Variants in TNRC6B observed in about 807,000 individuals in gnomAD.
The protein encoded by TNRC6B is trinucleotide repeat containing adaptor 6B.
TNRC6B carries 52 observed loss-of-function variants against 203.6 expected under a neutral mutation model. That is an observed-to-expected ratio of 0.26 (90% CI 0.20 to 0.32). TNRC6B has a LOEUF of 0.32. Among genes scored for constraint, TNRC6B ranks in the 10% least tolerant of loss-of-function variants. The pLI is 1.00. For missense variants in TNRC6B, 1,923 were observed against 2,286.2 expected, an observed-to-expected ratio of 0.84 and a Z score of 3.24; for synonymous variants, 838 against 845.7, an observed-to-expected ratio of 0.99 and a Z score of 0.16.
chr22:40,167,166 A>C (rs2068927138), intron 4 of TNRC6B, among the ~76,000 whole-genome samples: 1 of 152,196 alleles, frequency 6.6e-6, no homozygotes, highest in Non-Finnish European at 1.5e-5. Flanking sequence ...TCAACCATAC[A>C]CAGTTTTATG....
intron 3 of TNRC6B, among the ~76,000 whole-genome samples, chr22:40,142,655 A>G (rs112730114): frequency 0.012 from 1,768 of 152,348 alleles, 22 homozygotes; most frequent in Middle Eastern, 0.041. Context: ...TTCAAAGGAT[A>G]TTAAAATATG....
At chr22:40,249,049 T>C (rs1264373003) in intron 2 of TNRC6B, among the ~76,000 whole-genome samples, 1 of 152,152 alleles carries the variant, frequency 6.6e-6, no homozygotes, top group Non-Finnish European at 1.5e-5. Flanking sequence ...GTGCCAGAGA[T>C]CTATCATGTG....
upstream of TNRC6B, among the ~76,000 whole-genome samples, chr22:40,175,968 G>T (rs2071400488): frequency 6.6e-6 from 1 of 152,162 alleles, no homozygotes; most frequent in African/African-American, 2.4e-5. Flanking sequence ...GCATTCGTAG[G>T]TTCCTTTTCA....
intron 1 of TNRC6B, among the ~76,000 whole-genome samples, chr22:40,048,509 C>T (rs1452750182): frequency 6.7e-6 from 1 of 150,314 alleles, no homozygotes; most frequent in Non-Finnish European, 1.5e-5. Context: ...CCACTGCACT[C>T]CAGCCTGGGC....
chr22:40,174,869 A>G (rs1043329613), upstream of TNRC6B, among the ~76,000 whole-genome samples: 3 of 152,228 alleles, frequency 2.0e-5, no homozygotes, highest in African/African-American at 4.8e-5. Flanking sequence ...TTACCTTACA[A>G]TAATATAATT....
At chr22:40,132,813 A>G (rs1369367552) in intron 3 of TNRC6B, among the ~76,000 whole-genome samples, 8 of 147,468 alleles carry the variant, frequency 5.4e-5, no homozygotes, top group Admixed American at 3.4e-4. Context: ...GCATGGTGGC[A>G]GGCGCCTGTA....
intron 3 of TNRC6B, among the ~76,000 whole-genome samples, chr22:40,149,896 T>C (rs1056780677): frequency 6.6e-6 from 1 of 152,152 alleles, no homozygotes; most frequent in African/African-American, 2.4e-5. Flanking sequence ...AATCTTAGGC[T>C]TAAGCCATCC....
intron 4 of TNRC6B, chr22:40,156,190 A>C (rs1466305144): frequency 1.3e-6 from 2 of 1,564,384 alleles, no homozygotes; most frequent in South Asian, 2.4e-5. Context: ...ACAGTGAGTC[A>C]CAGTTTATTT....
At chr22:40,321,474 TAGTG>T (rs2071333274) in intron 22 of TNRC6B, 1 of 458,542 alleles carries the variant, frequency 2.2e-6, no homozygotes, top group South Asian at 3.3e-5. Context: ...ATTTGTGAAG[TAGTG>T]AGTAAATTCT....
chr22:40,082,120 A>G (rs930187126), intron 1 of TNRC6B, among the ~76,000 whole-genome samples: 3 of 152,014 alleles, frequency 2.0e-5, no homozygotes, highest in Non-Finnish European at 4.4e-5. Context: ...AAATCCTAGA[A>G]GTTTTGGGCT....
At position 40,277,081 on chromosome 22, in the gene TNRC6B, C is replaced by T. The variant is rs536704812; in HGVS notation, c.3146C>T (p.Ser1049Leu). ...TTCCGTGTTTCATTTCTGTAGTGCT[C>T]ACTCAAAGGAGGAAACAATGATTCA... Reference protein sequence around the residue: ...GQGGKKQMKCSLKGGNNDSWM... With the variant: ...GQGGKKQMKCLLKGGNNDSWM... The change falls in exon 8 of 23, where the codon TCA becomes TTA. Residue 1049 changes from serine (S) to leucine (L), a missense_variant. Transcript: ENST00000454349. 10 of 1,598,018 alleles carry T rather than the reference C, an allele frequency of 6.3e-6. No homozygotes were observed. The highest frequency in any genetic ancestry group is 2.7e-5 in the African/African-American group (2 of 74,408).
Position 40,150,213 on chromosome 22 carries a change from TA to T in TNRC6B, c.46-5896del, listed in dbSNP as rs544753113. Among the ~76,000 whole-genome samples the T allele has an allele frequency of 1.2e-3, 185 of 151,958 alleles. 1 individual carries two copies. The highest frequency in any genetic ancestry group is 2.3e-3 in the East Asian group (12 of 5,156). ...TAACACGGTGAAACCCCGTCTCTAC[TA>T]AAAAATACAAAAAATTAGCCAGGCG... On this transcript the variant is annotated intron_variant, in intron 3 of 23. Coordinates refer to the TNRC6B transcript ENST00000301923.
intron 6 of TNRC6B, among the ~76,000 whole-genome samples, chr22:40,272,726 T>G (rs73165085): frequency 6.6e-6 from 1 of 152,344 alleles, no homozygotes; most frequent in Non-Finnish European, 1.5e-5. Flanking sequence ...GCCTCTTGGA[T>G]TTCTCTCTGC....
chr22:40,270,258 C>T lies in TNRC6B; in HGVS notation c.2943C>T (p.Asn981=), dbSNP rs1240337931. The T allele has an allele frequency of 5.4e-6, 8 of 1,472,318 alleles. No homozygotes were observed. Among genetic ancestry groups the T allele is most frequent in the East Asian group, 5.5e-5 (2 of 36,350 alleles). The allele number at this position is 1,472,318 out of a possible 1,614,324, so 91.2% of individuals were successfully genotyped here. A position where few individuals can be genotyped will look rare whatever the true frequency, so the allele number is the denominator to read the frequency against. The part of the protein sequence containing the change: ...STTGWGNTPA[N]APNAMKPNSK... ...CAGGCTGGGGGAACACGCCCGCCAA[C>T]GCTCCCAATGCCATGAAGCCTAGTA... Residue 981 remains asparagine (N), a synonymous_variant, in exon 6 of 23, where the codon AAC becomes AAT. Transcript: ENST00000454349.
rs546119790 is a variant in TNRC6B, at chr22:40,088,210, C to A, written c.-120-28845C>A. 3.9e-5 allele frequency among the ~76,000 whole-genome samples: 6 copies of A among 152,196 alleles called. No homozygotes were observed. The East Asian group carries it at 1.2e-3, about 29-fold the overall frequency. ...GGTGGATATTTACTATTTTTCACAT[C>A]ATACAGAAAAGAGACTGAAGCTCTG... On this transcript the variant is annotated intron_variant, in intron 1 of 23. Transcript: ENST00000301923.
At chr22:40,316,633 G>A (rs6001877) in intron 21 of TNRC6B, among the ~76,000 whole-genome samples, 44,953 of 151,976 alleles carry the variant, frequency 0.3, 7,622 homozygotes, top group South Asian at 0.45. Flanking sequence ...TTCTCAAAAA[G>A]GAGAGAGAGG....
intron 5 of TNRC6B, among the ~76,000 whole-genome samples, chr22:40,269,195 G>A (rs147068476): frequency 3.5e-4 from 44 of 124,234 alleles, no homozygotes; most frequent in Non-Finnish European, 5.9e-4. Context: ...GTGCAGTGGC[G>A]CAATCTTGGC....
At position 40,114,337 on chromosome 22, in the gene TNRC6B, T is replaced by C. The variant is rs2068368079; in HGVS notation, c.-120-2718T>C. Reference sequence around the variant, plus strand: ...ATTCTTTATTTTTATTTTCATTTTTTTGAGACTGGGTCTTACTGTGTCATC... The same window carrying C: ...ATTCTTTATTTTTATTTTCATTTTTCTGAGACTGGGTCTTACTGTGTCATC... On this transcript the variant is annotated intron_variant, in intron 1 of 23. Coordinates refer to the TNRC6B transcript ENST00000301923. 2.0e-5 allele frequency among the ~76,000 whole-genome samples: 3 copies of C among 152,314 alleles called. No individual in the cohort carries two copies. The East Asian group carries it at 5.8e-4, about 29-fold the overall frequency.
At chr22:40,075,214 G>A (rs1337825075) in intron 1 of TNRC6B, among the ~76,000 whole-genome samples, 1 of 101,194 alleles carries the variant, frequency 9.9e-6, no homozygotes, top group Non-Finnish European at 1.9e-5. Context: ...ATATAATGTA[G>A]TTTCTGAGAA....
Sources: allele counts gnomAD v4.1 joint callset (sites outside exome capture counted in the v4.1 genomes callset), GRCh38; gene constraint gnomAD v4.1.1; transcripts MANE v1.5; gene names NCBI Gene and HGNC (gene_info 2026-07-23, HGNC 2026-07-21).